IQCM: variants seen among roughly 807,000 people sequenced by gnomAD.
The protein encoded by IQCM is IQ domain-containing protein M.
Under a neutral mutation model 57.6 loss-of-function variants are expected in IQCM, and 45 were observed. The observed-to-expected ratio is 0.78, with a 90% CI of 0.62 to 1.00. The LOEUF (loss-of-function observed/expected upper bound fraction) is 1.00. IQCM is among the 50% of genes least tolerant of loss of function. The pLI is 0.00. For synonymous variants in IQCM, 148 were observed against 158.9 expected, an observed-to-expected ratio of 0.93 and a Z score of 0.51; for missense variants, 468 against 511.6, an observed-to-expected ratio of 0.91 and a Z score of 0.82.
intron 12 of IQCM, among the ~76,000 whole-genome samples, chr4:149,533,622 A>G (rs1746978514): frequency 1.3e-5 from 2 of 152,124 alleles, no homozygotes; most frequent in Admixed American, 1.3e-4. Flanking sequence ...AAGGCAAAGG[A>G]GGAGCAAAGG....
At chr4:149,592,277 C>T (rs906165145) in intron 8 of IQCM, among the ~76,000 whole-genome samples, 6 of 152,234 alleles carry the variant, frequency 3.9e-5, no homozygotes, top group East Asian at 3.9e-4. Context: ...CTGTTCATAT[C>T]CTTCACCCAC....
At chr4:149,599,159 A>G (rs1754043656) in intron 8 of IQCM, among the ~76,000 whole-genome samples, 1 of 152,170 alleles carries the variant, frequency 6.6e-6, no homozygotes, top group Non-Finnish European at 1.5e-5. Context: ...TAACTTTTTT[A>G]AAAGCAAAAT....
chr4:149,462,520 C>A (rs761840939), intron 12 of IQCM, among the ~76,000 whole-genome samples: 3 of 152,178 alleles, frequency 2.0e-5, no homozygotes, highest in Non-Finnish European at 2.9e-5. Context: ...TCTACAACAG[C>A]ACCTACCACC....
intron 6 of IQCM, among the ~76,000 whole-genome samples, chr4:149,685,684 T>C (rs1372185938): frequency 6.6e-6 from 1 of 151,598 alleles, no homozygotes; most frequent in Non-Finnish European, 1.5e-5. Flanking sequence ...CAATGAATTA[T>C]TGTAAAACAA....
chr4:149,665,280 TTCAGG>T (rs1760613720), intron 7 of IQCM, among the ~76,000 whole-genome samples: 1 of 152,120 alleles, frequency 6.6e-6, no homozygotes, highest in Non-Finnish European at 1.5e-5. Flanking sequence ...CCAAATTGGC[TTCAGG>T]TCCTGTGAGG....
At chr4:149,710,407 G>A (rs545383457) in intron 5 of IQCM, among the ~76,000 whole-genome samples, 5 of 152,044 alleles carry the variant, frequency 3.3e-5, no homozygotes, top group Non-Finnish European at 7.4e-5. Context: ...CTGTCTAGGA[G>A]CTCCAAAACA....
At chr4:149,411,956 C>T (rs901224052) in intron 13 of IQCM, among the ~76,000 whole-genome samples, 1 of 152,032 alleles carries the variant, frequency 6.6e-6, no homozygotes, top group Non-Finnish European at 1.5e-5. Flanking sequence ...TTAAAAGTAT[C>T]ATATAATTAA....
At chr4:149,619,107 G>GAT (rs70965194) in intron 8 of IQCM, among the ~76,000 whole-genome samples, 2,950 of 126,680 alleles carry the variant, frequency 0.023, 59 homozygotes, top group Admixed American at 0.068. Context: ...ATGTGGGATG[G>GAT]ATATATATAT....
intron 10 of IQCM, among the ~76,000 whole-genome samples, chr4:149,557,861 C>T (rs984739886): frequency 1.3e-5 from 2 of 152,218 alleles, no homozygotes; most frequent in African/African-American, 4.8e-5. Flanking sequence ...TTACTGGCTT[C>T]TTCCAATGAG....
intron 12 of IQCM, among the ~76,000 whole-genome samples, chr4:149,475,144 G>A (rs1394377923): frequency 1.3e-5 from 2 of 152,204 alleles, no homozygotes; most frequent in Non-Finnish European, 2.9e-5. Context: ...ATGTGAGGAT[G>A]CTATTGCAGT....
rs904311690 is a variant in IQCM at position 149,361,155 on chromosome 4, A to G, written c.1391-9089T>C. Among the ~76,000 whole-genome samples, 3 of 152,340 alleles carry G rather than the reference A, an allele frequency of 2.0e-5. No homozygotes were observed. The South Asian group carries it at 6.2e-4, about 32-fold the overall frequency. On this transcript the variant is annotated intron_variant, in intron 13 of 13. Coordinates refer to ENST00000636793, the MANE Select transcript of IQCM (RefSeq NM_001363507.2). ...ATCTGCAGAACTTTGAATTTGAGAA[A>G]GATGATTTAGGGTATCCGGTGGAAG...
At chr4:149,592,720 T>C (rs1753323269) in intron 8 of IQCM, among the ~76,000 whole-genome samples, 1 of 152,080 alleles carries the variant, frequency 6.6e-6, no homozygotes, top group Non-Finnish European at 1.5e-5. Context: ...GGGAATCCTT[T>C]CCCCATTTCT....
At chr4:149,706,755 G>A (rs531081392) in intron 5 of IQCM, among the ~76,000 whole-genome samples, 1 of 151,840 alleles carries the variant, frequency 6.6e-6, no homozygotes, top group South Asian at 2.1e-4. Context: ...TAAAACAGTG[G>A]GTTCTGGTCT....
chr4:149,760,796 T>C (rs998470660), intron 2 of IQCM, among the ~76,000 whole-genome samples: 3 of 152,078 alleles, frequency 2.0e-5, no homozygotes, highest in African/African-American at 7.2e-5. Flanking sequence ...AGATATTCTC[T>C]TCTTAGTATT....
At position 149,475,039 on chromosome 4, in the gene IQCM, T is replaced by A. The variant is rs555885052; in HGVS notation, c.1229-41482A>T. ...AGCTGAATGAGAAACTGAGGAAGGG[T>A]TTTTAGGAAAGACATAACCTAACAT... On this transcript the variant is annotated intron_variant, in intron 12 of 13. Transcript: ENST00000636793. Among the ~76,000 whole-genome samples, 3 of 152,106 alleles carry A rather than the reference T, an allele frequency of 2.0e-5. No homozygotes were observed. In the East Asian group the frequency reaches 5.8e-4, roughly 30 times the overall value.
In IQCM at chr4:149,649,535, T is replaced by A. The variant is rs1017774986; in HGVS notation, c.566-28291A>T. On this transcript the variant is annotated intron_variant, in intron 7 of 13. Transcript: ENST00000636793. ...TATGGTGACTTTTTAAAGATAATTT[T>A]AAAAAATAGTTTATTTTTTATTATT... is the stretch of plus-strand genomic sequence containing the variant. Among the ~76,000 whole-genome samples, 6 of 152,306 alleles carry A rather than the reference T, an allele frequency of 3.9e-5. No individual in the cohort carries two copies. The East Asian group carries it at 5.8e-4, about 15-fold the overall frequency.
At chr4:149,459,202 A>G (rs979322046) in intron 12 of IQCM, among the ~76,000 whole-genome samples, 1 of 152,244 alleles carries the variant, frequency 6.6e-6, no homozygotes, top group Non-Finnish European at 1.5e-5. Flanking sequence ...AATGAGATAA[A>G]AACAAAACAC....
chr4:149,652,541 C>T (rs894135501), intron 7 of IQCM, among the ~76,000 whole-genome samples: 1 of 151,286 alleles, frequency 6.6e-6, no homozygotes, highest in Admixed American at 6.6e-5. Flanking sequence ...ATTAAAAGAA[C>T]AAACCAACAA....
intron 7 of IQCM, among the ~76,000 whole-genome samples, chr4:149,642,389 T>C (rs1579817486): frequency 6.6e-6 from 1 of 152,262 alleles, no homozygotes; most frequent in Non-Finnish European, 1.5e-5. Flanking sequence ...TCTATTTTCA[T>C]ACCCATTGGT....
Sources: allele counts gnomAD v4.1 joint callset (sites outside exome capture counted in the v4.1 genomes callset), GRCh38; gene constraint gnomAD v4.1.1; transcripts MANE v1.5; gene names NCBI Gene and HGNC (gene_info 2026-07-23, HGNC 2026-07-21).